Variants in EIF2B3 observed in about 807,000 individuals in gnomAD.
The protein encoded by EIF2B3 is eukaryotic translation initiation factor 2B subunit gamma.
A neutral mutation model predicts 54.1 loss-of-function variants in EIF2B3; 20 were observed. The ratio of observed to expected loss-of-function variants is 0.37; its 90% CI spans 0.26 to 0.54. The LOEUF (loss-of-function observed/expected upper bound fraction) is 0.54, where lower values mean the gene tolerates loss of function less well. Ranked by LOEUF, EIF2B3 falls within the 20% of genes least tolerant of loss-of-function variation. EIF2B3 has a pLI of 0.86. For missense variants in EIF2B3, 448 were observed against 547.8 expected, an observed-to-expected ratio of 0.82 and a Z score of 1.82; for synonymous variants, 153 against 188.1, an observed-to-expected ratio of 0.81 and a Z score of 1.52.
Position 44,901,271 on chromosome 1 carries a change from A to G in EIF2B3, c.567-3827T>C, listed in dbSNP as rs184085720. On this transcript the variant is annotated intron_variant, in intron 5 of 11. Coordinates refer to ENST00000360403, the MANE Select transcript of EIF2B3 (RefSeq NM_020365.5). ...GGTGAGATTACAAGCGCCCACCACCATGCCCAACTAATTTTTGTATTTTCA... is the reference window on the plus strand; with the variant it reads ...GGTGAGATTACAAGCGCCCACCACCGTGCCCAACTAATTTTTGTATTTTCA... Among the ~76,000 whole-genome samples, 40 of 152,120 alleles carry G rather than the reference A, an allele frequency of 2.6e-4. No individual in the cohort carries two copies. The East Asian group carries it at 7.5e-3, about 29-fold the overall frequency.
chr1:44,958,903 G>A lies in EIF2B3; in HGVS notation c.295-17238C>T, dbSNP rs189693751. ...GAACACAATTTCATCAAGGCTGAGGGCCATCTGAAACAGACGGAGAAAATA... is the reference window on the plus strand; with the variant it reads ...GAACACAATTTCATCAAGGCTGAGGACCATCTGAAACAGACGGAGAAAATA... On this transcript the variant is annotated intron_variant, in intron 3 of 11. Transcript: ENST00000360403. 267 of 814,080 alleles carry A rather than the reference G, an allele frequency of 3.3e-4. No individual in the cohort carries two copies. In the East Asian group the frequency reaches 6.0e-3, roughly 18 times the overall value. 50.4% of individuals were successfully genotyped at this position (814,080 alleles called of 1,614,324 possible).
At chr1:44,865,443 G>A (rs1303826883) in intron 10 of EIF2B3, among the ~76,000 whole-genome samples, 2 of 152,110 alleles carry the variant, frequency 1.3e-5, no homozygotes, top group Admixed American at 6.6e-5. Context: ...TCTGTAGTCT[G>A]TGCATAGGTA....
intron 6 of EIF2B3, among the ~76,000 whole-genome samples, chr1:44,883,785 T>G (rs749143198): frequency 6.6e-6 from 1 of 152,222 alleles, no homozygotes; most frequent in Non-Finnish European, 1.5e-5. Flanking sequence ...GCAGGTAAGA[T>G]GAACCCACTG....
chr1:44,977,406 T>A (rs958668836), intron 3 of EIF2B3, among the ~76,000 whole-genome samples: 3 of 152,200 alleles, frequency 2.0e-5, no homozygotes, highest in Admixed American at 6.5e-5. Context: ...ATTTATACAT[T>A]AACATTGCTT....
intron 11 of EIF2B3, among the ~76,000 whole-genome samples, chr1:44,852,364 G>A (rs759818139): frequency 6.6e-6 from 1 of 152,078 alleles, no homozygotes; most frequent in Non-Finnish European, 1.5e-5. Context: ...CCCTAACGTA[G>A]CACCTCTAAT....
intron 3 of EIF2B3, among the ~76,000 whole-genome samples, chr1:44,949,135 G>T (rs896767972): frequency 6.6e-6 from 1 of 152,172 alleles, no homozygotes; most frequent in Non-Finnish European, 1.5e-5. Flanking sequence ...TTCCTCAGGT[G>T]CTGGGATTAC....
chr1:44,936,294 T>C (rs1195563481), intron 4 of EIF2B3, among the ~76,000 whole-genome samples: 2 of 151,826 alleles, frequency 1.3e-5, no homozygotes, highest in Non-Finnish European at 2.9e-5. Flanking sequence ...AAAAGTTACA[T>C]GTGGGCTGGG....
intron 10 of EIF2B3, 189 bp downstream of exon 10, chr1:44,874,489 T>C (rs953178184): frequency 1.2e-5 from 8 of 641,430 alleles, no homozygotes; most frequent in Non-Finnish European, 2.1e-5. Flanking sequence ...TTATTTTCCA[T>C]TTTAGAGGAA....
chr1:44,906,072 G>A (rs990130843), intron 5 of EIF2B3, among the ~76,000 whole-genome samples: 1 of 152,152 alleles, frequency 6.6e-6, no homozygotes, highest in African/African-American at 2.4e-5. Flanking sequence ...CATCTTTCAA[G>A]CTATCCTTCT....
Position 44,865,216 on chromosome 1 carries a change from T to TAA in EIF2B3, c.1203-7411_1203-7410dup, listed in dbSNP as rs57763807. ...TGGGCAACAGAGCGAGACTCCATCT[T>TAA]AAAAAAAAAAAAAGAAATGTGTGAA... On this transcript the variant is annotated intron_variant, in intron 10 of 11. Transcript: ENST00000360403. 5.7e-5 allele frequency among the ~76,000 whole-genome samples: 8 copies of TAA among 140,120 alleles called. No individual in the cohort carries two copies. In the South Asian group the frequency reaches 1.8e-3, roughly 32 times the overall value. 91.9% of individuals were successfully genotyped at this position (140,120 alleles called of 152,430 possible). A position where few individuals can be genotyped will look rare whatever the true frequency, so the allele number is the denominator to read the frequency against.
chr1:44,853,248 T>A lies in EIF2B3; in HGVS notation c.1307-2245A>T, dbSNP rs1292571424. 2.6e-5 allele frequency among the ~76,000 whole-genome samples: 4 copies of A among 151,986 alleles called. No individual in the cohort carries two copies. The East Asian group carries it at 7.7e-4, about 29-fold the overall frequency. ...GGGGAGCCAGGGAACAGAGACTATATCTGGCATGTTGGGGTTGATGTATTT... is the reference window on the plus strand; with the variant it reads ...GGGGAGCCAGGGAACAGAGACTATAACTGGCATGTTGGGGTTGATGTATTT... On this transcript the variant is annotated intron_variant, in intron 11 of 11. Transcript: ENST00000360403.
chr1:44,915,062 G>T (rs1239688796), intron 5 of EIF2B3, among the ~76,000 whole-genome samples: 2 of 150,844 alleles, frequency 1.3e-5, no homozygotes, highest in South Asian at 2.1e-4. Flanking sequence ...ACTTTGGGAG[G>T]CCGAGGCAGG....
intron 3 of EIF2B3, among the ~76,000 whole-genome samples, chr1:44,969,774 ATGTC>A (rs1644382077): frequency 6.6e-6 from 1 of 152,232 alleles, no homozygotes; most frequent in African/African-American, 2.4e-5. Flanking sequence ...AATATTAACT[ATGTC>A]TGGTCTACAA....
At chr1:44,916,572 G>A (rs1454432131) in intron 5 of EIF2B3, among the ~76,000 whole-genome samples, 2 of 148,136 alleles carry the variant, frequency 1.4e-5, no homozygotes, top group Non-Finnish European at 3.0e-5. Flanking sequence ...TGTAATCCCA[G>A]CACTTTGGGA....
Position 44,853,332 on chromosome 1 carries a change from C to T in EIF2B3, c.1307-2329G>A, listed in dbSNP as rs145303515. On this transcript the variant is annotated intron_variant, in intron 11 of 11. Transcript: ENST00000360403. ...AGAGGCACAACAAGCAGAACTAGGCCGGGCGTGGTGGCTCGCTCCTGCAAT... is the reference window on the plus strand; with the variant it reads ...AGAGGCACAACAAGCAGAACTAGGCTGGGCGTGGTGGCTCGCTCCTGCAAT... Among the ~76,000 whole-genome samples, 127 of 151,994 alleles carry T rather than the reference C, an allele frequency of 8.4e-4. 2 individuals carry two copies. In the East Asian group the frequency reaches 0.022, roughly 27 times the overall value.
At chr1:44,853,228 G>A (rs188503991) in intron 11 of EIF2B3, among the ~76,000 whole-genome samples, 43 of 152,226 alleles carry the variant, frequency 2.8e-4, no homozygotes, top group African/African-American at 1.0e-3. Flanking sequence ...GGCAGGGGGA[G>A]CCAGGGAACA....
chr1:44,930,524 T>A (rs1643887718), intron 4 of EIF2B3, among the ~76,000 whole-genome samples: 2 of 152,226 alleles, frequency 1.3e-5, no homozygotes, highest in Admixed American at 1.3e-4. Context: ...GCCTCTGCTG[T>A]CATGCTTAGA....
At chr1:44,868,966 T>G (rs1363612544) in intron 10 of EIF2B3, among the ~76,000 whole-genome samples, 2 of 152,198 alleles carry the variant, frequency 1.3e-5, no homozygotes, top group East Asian at 3.8e-4. Flanking sequence ...CATTCCAGAC[T>G]CAGTGCTGGA....
At chr1:44,882,047 T>A (rs1655418347) in intron 6 of EIF2B3, among the ~76,000 whole-genome samples, 1 of 152,226 alleles carries the variant, frequency 6.6e-6, no homozygotes, top group South Asian at 2.1e-4. Flanking sequence ...AGCAGAGAGA[T>A]GAGAAACTAG....
Sources: allele counts gnomAD v4.1 joint callset (sites outside exome capture counted in the v4.1 genomes callset), GRCh38; gene constraint gnomAD v4.1.1; transcripts MANE v1.5; gene names NCBI Gene and HGNC (gene_info 2026-07-23, HGNC 2026-07-21).